The following GRK1 variants were observed in gnomAD, a reference collection of about 807,000 sequenced individuals.
GRK1 encodes the protein rhodopsin kinase GRK1.
In GRK1, 28 loss-of-function variants were observed where a neutral mutation model predicts 41.7. That is an observed-to-expected ratio of 0.67 (90% CI 0.50 to 0.92). The LOEUF (loss-of-function observed/expected upper bound fraction) is 0.92. Ranked by LOEUF, GRK1 falls within the 40% of genes least tolerant of loss-of-function variation. The pLI is 0.00. For synonymous variants in GRK1, 327 were observed against 286.7 expected (o/e 1.14, Z -1.42); for missense variants, 703 against 671.2 (o/e 1.05, Z -0.52).
upstream of GRK1, among the ~76,000 whole-genome samples, chr13:113,664,877 G>A (rs867315537): frequency 6.6e-6 from 1 of 152,218 alleles, no homozygotes; most frequent in African/African-American, 2.4e-5. The surrounding 1 kb of genome is among the most constrained non-coding windows in gnomAD (Gnocchi z 5.4). Flanking sequence ...AGGCAGGAAG[G>A]AGTTAACGTG....
At chr13:113,727,985 T>G (rs1196493733) in intron 4 of GRK1, among the ~76,000 whole-genome samples, 3 of 64,990 alleles carry the variant, frequency 4.6e-5, no homozygotes, top group Admixed American at 1.8e-4. Context: ...CGATGAGGAG[T>G]ACCCATGGCG....
At chr13:113,733,953 TGC>T (rs1274692320) in intron 6 of GRK1, among the ~76,000 whole-genome samples, 7 of 147,954 alleles carry the variant, frequency 4.7e-5, no homozygotes, top group African/African-American at 7.6e-5. Context: ...TGCGTGTGTG[TGC>T]ATACGTGTGT....
chr13:113,727,062 C>T (rs905658035), intron 4 of GRK1, among the ~76,000 whole-genome samples: 13 of 152,258 alleles, frequency 8.5e-5, no homozygotes, highest in South Asian at 2.1e-4. Flanking sequence ...TCCCAACGGG[C>T]CTGTCCGCCA....
intron 3 of GRK1, among the ~76,000 whole-genome samples, chr13:113,672,412 T>TGCG (rs2049863671): frequency 1.6e-5 from 1 of 62,252 alleles, no homozygotes; most frequent in African/African-American, 5.3e-5. Flanking sequence ...GTATGTGGAA[T>TGCG]GTGGTGTGTT....
At chr13:113,655,309 T>G in the GRK1 span, among the ~76,000 whole-genome samples, 1 of 151,964 alleles carries the variant, frequency 6.6e-6, no homozygotes, top group Non-Finnish European at 1.5e-5. Context: ...GGAGTTATGG[T>G]TCCCCCATCA....
At chr13:113,652,173 C>G in the GRK1 span, among the ~76,000 whole-genome samples, 2 of 152,214 alleles carry the variant, frequency 1.3e-5, no homozygotes, top group Non-Finnish European at 2.9e-5. Flanking sequence ...CCAGCCCCAG[C>G]CATCCCCTGC....
At chr13:113,660,534 C>A in the GRK1 span, among the ~76,000 whole-genome samples, 1 of 152,206 alleles carries the variant, frequency 6.6e-6, no homozygotes, top group Non-Finnish European at 1.5e-5. Flanking sequence ...CAGTAGATAA[C>A]CACTCATCAC....
chr13:113,733,685 A>ATG (rs1257578822), intron 6 of GRK1, among the ~76,000 whole-genome samples: 1 of 83,748 alleles, frequency 1.2e-5, no homozygotes, highest in Non-Finnish European at 2.4e-5. Context: ...GTGTGCATGT[A>ATG]TGTGTGCATA....
At chr13:113,663,300 A>G (rs1216195238), upstream of GRK1, among the ~76,000 whole-genome samples, 1 of 152,242 alleles carries the variant, frequency 6.6e-6, no homozygotes, top group African/African-American at 2.4e-5. Context: ...CCAAAGGGGG[A>G]GGAAAAAGAC....
chr13:113,658,926 T>C, the GRK1 span, among the ~76,000 whole-genome samples: 12 of 152,152 alleles, frequency 7.9e-5, no homozygotes, highest in African/African-American at 2.7e-4. Flanking sequence ...CAGCGAGTCC[T>C]GTGGGGGCCC....
In GRK1 at chr13:113,732,993, C is replaced by T. The variant is rs1450224290; in HGVS notation, c.1304C>T (p.Pro435Leu). 17 of 1,536,962 alleles carry T rather than the reference C, an allele frequency of 1.1e-5. No homozygotes were observed. The highest frequency in any genetic ancestry group is 1.1e-4 in the South Asian group (9 of 84,064). The change falls in exon 6 of 7, where the codon CCG (proline) becomes CTG (leucine). Residue 435 changes from proline (P) to leucine (L), a missense_variant. Physicochemically the swap from Pro to Leu is moderately conservative, Grantham distance 98. Coordinates refer to ENST00000335678, the MANE Select transcript of GRK1 (RefSeq NM_002929.3). ...TGCGAGGCGCTGCTGGAGAAGGACC[C>T]GGAGAAGCGCCTGGGGTTCAGAGAT... The part of the protein sequence containing the change: ...DFCEALLEKD[P>L]EKRLGFRDET...
At position 113,671,269 on chromosome 13, in the gene GRK1, G is replaced by A. The variant is rs113303775; in HGVS notation, c.828-230G>A. 0.033 allele frequency among the ~76,000 whole-genome samples: 4,991 copies of A among 152,290 alleles called. 134 individuals carry two copies. The highest frequency in any genetic ancestry group is 0.05 in the Non-Finnish European group (3,427 of 68,022). On this transcript the variant is annotated intron_variant, in intron 2 of 6. Transcript: ENST00000335678. This position sits in a 1 kb window ranked among gnomAD's most constrained non-coding sequence, Gnocchi z 4.1. ...GAAAGCAGGCGGACAGGAGACGCAC[G>A]TGGACAGCACTTTCTCCCTGTTAGC...
chr13:113,733,945 C>CGTGTGTGTGCATACGTGTGTAT (rs1566700426), intron 6 of GRK1, among the ~76,000 whole-genome samples: 1,025 of 80,258 alleles, frequency 0.013, 60 homozygotes, highest in African/African-American at 0.04. Context: ...TACGTGTGTG[C>CGTGTGTGTGCATACGTGTGTAT]GTGTGTGTGC....
intron 1 of GRK1, among the ~76,000 whole-genome samples, chr13:113,669,118 A>G (rs2049839611): frequency 6.6e-6 from 1 of 152,088 alleles, no homozygotes; most frequent in Non-Finnish European, 1.5e-5. Flanking sequence ...ACCAAACTGA[A>G]CTCCATACTG....
the GRK1 span, among the ~76,000 whole-genome samples, chr13:113,650,880 C>T: frequency 2.6e-5 from 4 of 152,064 alleles, no homozygotes; most frequent in Non-Finnish European, 2.9e-5. This position sits in a 1 kb window ranked among gnomAD's most constrained non-coding sequence, Gnocchi z 5.0. Context: ...GTGGGGCAAG[C>T]GAATGCGTTT....
At chr13:113,662,989 T>G (rs1051120757), upstream of GRK1, among the ~76,000 whole-genome samples, 2 of 152,252 alleles carry the variant, frequency 1.3e-5, no homozygotes, top group Admixed American at 1.3e-4. Context: ...TAAGTAAATA[T>G]TTTCTTGCAT....
rs2049935333 is a variant in GRK1, at chr13:113,731,286, G to A, written c.1137G>A (p.Gly379=). The A allele has an allele frequency of 6.5e-7, 1 of 1,536,996 alleles. No individual in the cohort carries two copies. The highest frequency in any genetic ancestry group is 8.7e-7 in the Non-Finnish European group (1 of 1,146,876). ...YDFSVDYFAL[G]VTLYEMIAAR... is the part of the protein sequence containing the mutation. The stretch of plus-strand genomic sequence containing the variant: ...TCTCCGTGGACTACTTTGCCCTGGG[G>A]GTCACCCTGTATGAGATGATTGCGG... The change falls in exon 5 of 7, where the codon GGG becomes GGA. Residue 379 remains glycine (G), a synonymous_variant. Transcript: ENST00000335678. This position sits in a 1 kb window ranked among gnomAD's most constrained non-coding sequence, Gnocchi z 5.6.
At chr13:113,652,781 G>T in the GRK1 span, 1 of 1,460,016 alleles carries the variant, frequency 6.8e-7, no homozygotes, top group Non-Finnish European at 9.5e-7. Context: ...GCAAGCCCCA[G>T]ACAGGACACC....
intron 1 of GRK1, among the ~76,000 whole-genome samples, chr13:113,669,136 C>T (rs1206118828): frequency 6.6e-6 from 1 of 152,260 alleles, no homozygotes. Context: ...CTGACATCAA[C>T]TGAACACCTC....
Sources: allele counts gnomAD v4.1 joint callset (sites outside exome capture counted in the v4.1 genomes callset), GRCh38; gene constraint gnomAD v4.1.1; non-coding constraint Gnocchi (gnomAD v3.1); transcripts MANE v1.5; gene names NCBI Gene and HGNC (gene_info 2026-07-23, HGNC 2026-07-21).